Variants in PIK3C2G observed in about 807,000 individuals in gnomAD.
The protein encoded by PIK3C2G is phosphatidylinositol 3-kinase C2 domain-containing subunit gamma.
A neutral mutation model predicts 181.1 loss-of-function variants in PIK3C2G; 168 were observed. The observed-to-expected ratio is 0.93, with a 90% CI of 0.82 to 1.05. PIK3C2G has a LOEUF of 1.05. Ranked by LOEUF, PIK3C2G falls within the 50% of genes least tolerant of loss-of-function variation. The pLI, the probability that PIK3C2G is intolerant of heterozygous loss-of-function variation, is 0.00. For synonymous variants in PIK3C2G, 573 were observed against 592.2 expected (o/e 0.97, Z 0.47); for missense variants, 1,869 against 1,732.8 (o/e 1.08, Z -1.40).
intron 24 of PIK3C2G, among the ~76,000 whole-genome samples, chr12:18,520,974 T>A (rs950366217): frequency 1.3e-5 from 2 of 151,946 alleles, no homozygotes; most frequent in African/African-American, 4.8e-5. Context: ...TGTTTGTTTG[T>A]TTTTTTTCTT....
At chr12:18,424,634 T>C in intron 18 of PIK3C2G, 1 of 187,534 alleles carries the variant, frequency 5.3e-6, no homozygotes, top group Non-Finnish European at 1.2e-5. Flanking sequence ...CTTCTGTACA[T>C]CAACCCCACT....
intron 5 of PIK3C2G, among the ~76,000 whole-genome samples, 159 bp from the exon 6 acceptor site, chr12:18,313,803 T>G (rs1413985518): frequency 1.1e-5 from 1 of 91,276 alleles, no homozygotes; most frequent in Non-Finnish European, 2.2e-5. Context: ...TGCATATATA[T>G]TCACACACAC....
At chr12:18,454,139 G>A (rs529109764) in intron 18 of PIK3C2G, among the ~76,000 whole-genome samples, 1 of 152,052 alleles carries the variant, frequency 6.6e-6, no homozygotes, top group African/African-American at 2.4e-5. Context: ...CCTACTATAT[G>A]TTAAGCTTTG....
intron 4 of PIK3C2G, 100 bp from the exon 5 acceptor site, chr12:18,293,801 A>G: frequency 1.5e-6 from 1 of 666,364 alleles, no homozygotes; most frequent in Non-Finnish European, 2.7e-6. Flanking sequence ...GACAGTTACA[A>G]TCCTTCATAA....
chr12:18,579,881 T>TGG (rs1946408946), intron 29 of PIK3C2G, among the ~76,000 whole-genome samples: 1 of 152,136 alleles, frequency 6.6e-6, no homozygotes, highest in African/African-American at 2.4e-5. Flanking sequence ...ATGCCTGTAA[T>TGG]CCCAGCACTT....
the PIK3C2G span, among the ~76,000 whole-genome samples, chr12:18,675,739 G>C: frequency 6.6e-6 from 1 of 152,098 alleles, no homozygotes; most frequent in Non-Finnish European, 1.5e-5. Flanking sequence ...GGATGGAGCT[G>C]GAGTCCATTA....
chr12:18,382,325 AAAGT>A (rs1942895747), intron 14 of PIK3C2G, among the ~76,000 whole-genome samples: 1 of 152,246 alleles, frequency 6.6e-6, no homozygotes, highest in Non-Finnish European at 1.5e-5. Context: ...AAAAAACTGC[AAAGT>A]AATTATCCTT....
At chr12:18,294,464 T>A (rs1423674544) in intron 5 of PIK3C2G, among the ~76,000 whole-genome samples, 2 of 152,058 alleles carry the variant, frequency 1.3e-5, no homozygotes, top group Non-Finnish European at 1.5e-5. Flanking sequence ...GATTTTTTTT[T>A]AAATCACAGG....
chr12:18,640,215 CTTAAT>C (rs1949780369), intron 31 of PIK3C2G, among the ~76,000 whole-genome samples: 2 of 152,010 alleles, frequency 1.3e-5, no homozygotes, highest in African/African-American at 2.4e-5. Context: ...TGACACAACA[CTTAAT>C]TTAAGATGGC....
At chr12:18,290,264 T>G (rs1949633871) in intron 3 of PIK3C2G, among the ~76,000 whole-genome samples, 1 of 152,306 alleles carries the variant, frequency 6.6e-6, no homozygotes, top group East Asian at 1.9e-4. Flanking sequence ...AAACTGTTTT[T>G]GCAATTCTTT....
At chr12:18,699,212 T>C in the PIK3C2G span, among the ~76,000 whole-genome samples, 1 of 152,120 alleles carries the variant, frequency 6.6e-6, no homozygotes, top group Non-Finnish European at 1.5e-5. Context: ...CTGGGCGCCA[T>C]TTCTTCCCCT....
chr12:18,657,114 C>G, the PIK3C2G span, among the ~76,000 whole-genome samples: 1,228 of 152,092 alleles, frequency 8.1e-3, 4 homozygotes, highest in Middle Eastern at 0.017. Context: ...GAACTCAAAT[C>G]TCTACCAGTG....
the PIK3C2G span, among the ~76,000 whole-genome samples, chr12:18,663,846 A>G: frequency 0.39 from 58,578 of 152,044 alleles, 13,997 homozygotes; most frequent in South Asian, 0.59. Flanking sequence ...CAAATCATAC[A>G]TCTTATAAGG....
chr12:18,582,039 T>A (rs367703898), intron 29 of PIK3C2G, among the ~76,000 whole-genome samples: 1 of 152,090 alleles, frequency 6.6e-6, no homozygotes. Flanking sequence ...AAATTGAGAA[T>A]TGACCACTGG....
intron 25 of PIK3C2G, among the ~76,000 whole-genome samples, chr12:18,541,550 T>C (rs1944154447): frequency 6.6e-6 from 1 of 151,942 alleles, no homozygotes; most frequent in South Asian, 2.1e-4. Flanking sequence ...ATCAGAGATC[T>C]TCCTAACTTC....
At chr12:18,440,660 G>A (rs1034021748) in intron 18 of PIK3C2G, among the ~76,000 whole-genome samples, 10 of 152,060 alleles carry the variant, frequency 6.6e-5, no homozygotes, top group Non-Finnish European at 1.3e-4. Flanking sequence ...ATGGGGCTAA[G>A]GTGGCTGGGT....
chr12:18,629,519 G>T (rs1433786676), intron 31 of PIK3C2G, among the ~76,000 whole-genome samples: 1 of 152,156 alleles, frequency 6.6e-6, no homozygotes, highest in Non-Finnish European at 1.5e-5. Flanking sequence ...GAGGAGGATG[G>T]TGACTAAGGA....
chr12:18,330,530 C>A (rs141078376), intron 8 of PIK3C2G, among the ~76,000 whole-genome samples: 1 of 152,120 alleles, frequency 6.6e-6, no homozygotes, highest in Non-Finnish European at 1.5e-5. Flanking sequence ...ATTTGTATTT[C>A]CTCAATGGCT....
chr12:18,439,581 CAT>C (rs10595209), intron 18 of PIK3C2G, among the ~76,000 whole-genome samples: 18,861 of 152,020 alleles, frequency 0.12, 1,223 homozygotes, highest in African/African-American at 0.15. Context: ...CTGAGCCACT[CAT>C]GTATGTATCT....
Sources: allele counts gnomAD v4.1 joint callset (sites outside exome capture counted in the v4.1 genomes callset), GRCh38; gene constraint gnomAD v4.1.1; transcripts MANE v1.5; gene names NCBI Gene and HGNC (gene_info 2026-07-23, HGNC 2026-07-21).